Variants in PDIA6 observed in about 807,000 individuals in gnomAD.
The protein encoded by PDIA6 is protein disulfide isomerase family A member 6.
PDIA6 carries 29 observed loss-of-function variants against 58.4 expected under a neutral mutation model. That is an observed-to-expected ratio of 0.50 (90% confidence interval 0.37 to 0.68). The LOEUF (loss-of-function observed/expected upper bound fraction) is 0.68, where lower values mean the gene tolerates loss of function less well. Among genes scored for constraint, PDIA6 ranks in the 30% least tolerant of loss-of-function variants. The probability of loss-of-function intolerance (pLI) is 0.00; values close to 1 mark genes in which losing one functional copy is unlikely to be tolerated. For missense variants in PDIA6, 480 were observed against 551.0 expected (o/e 0.87, Z 1.29); for synonymous variants, 192 against 202.6 (o/e 0.95, Z 0.44).
upstream of PDIA6, among the ~76,000 whole-genome samples, chr2:10,816,681 G>A (rs1051399568): frequency 6.6e-6 from 1 of 152,044 alleles, no homozygotes; most frequent in African/African-American, 2.4e-5. Context: ...ATGTGACTGG[G>A]ATTTTTTTCT....
chr2:10,805,226 A>C (rs894467631), intron 1 of PDIA6, among the ~76,000 whole-genome samples: 1 of 143,240 alleles, frequency 7.0e-6, no homozygotes, highest in South Asian at 2.4e-4. Flanking sequence ...AAAAACAAAC[A>C]ACCCCATCAA....
intron 1 of PDIA6, among the ~76,000 whole-genome samples, chr2:10,824,387 C>T (rs999687072): frequency 2.6e-5 from 4 of 152,252 alleles, no homozygotes; most frequent in African/African-American, 9.6e-5. Flanking sequence ...TGTGTAGCAA[C>T]CCTGGGTGGA....
chr2:10,784,784 G>A (rs974538981), intron 12 of PDIA6, 150 bp downstream of exon 12: 6 of 600,294 alleles, frequency 1.0e-5, no homozygotes, highest in Non-Finnish European at 1.8e-5. Context: ...GGAAGATGAA[G>A]GGTCTTCAGA....
intron 2 of PDIA6, 62 bp downstream of exon 2, chr2:10,802,437 C>T: frequency 9.5e-7 from 1 of 1,055,484 alleles, no homozygotes; most frequent in Non-Finnish European, 1.3e-6. Context: ...GATTTTTATA[C>T]AGCGTTTTCT....
In PDIA6 at chr2:10,812,684, C is replaced by A; in HGVS notation, c.13G>T (p.Val5Leu). The change falls in exon 1 of 13, where the codon GTG (valine) becomes TTG (leucine). Residue 5 changes from valine to leucine, a missense_variant. By Grantham distance (32) the Val-to-Leu change is conservative (BLOSUM62 1). Transcript: ENST00000272227. MALL[V>L]LGLVSCTFFL... ...TCCGCTGGCCCGCACCTACCGAGCACCAGGAGAGCCATGCCGAGCGCCGGG... is the reference window on the plus strand; with the variant it reads ...TCCGCTGGCCCGCACCTACCGAGCAACAGGAGAGCCATGCCGAGCGCCGGG... 1 of 1,534,474 alleles carries A rather than the reference C, an allele frequency of 6.5e-7. No individual in the cohort carries two copies. Among genetic ancestry groups the A allele is most frequent in the Middle Eastern group, 1.7e-4 (1 of 5,780 alleles).
intron 1 of PDIA6, among the ~76,000 whole-genome samples, chr2:10,824,815 T>A (rs930667918): frequency 5.9e-5 from 9 of 152,220 alleles, no homozygotes; most frequent in Admixed American, 3.9e-4. Context: ...CAAGTTTGAT[T>A]TGGGTTTCTA....
rs151042076 is a variant in PDIA6, at chr2:10,785,158, C to T, written c.1158-128G>A. ...CAGAGGCATTTCTTCTCTCTTGCTG[C>T]ACTACATTCCTCAGAAACACCTTGA... On this transcript the variant is annotated intron_variant, in intron 11 of 12. Coordinates refer to ENST00000272227, the MANE Select transcript of PDIA6 (RefSeq NM_005742.4). 2.8e-4 allele frequency: 186 copies of T among 654,676 alleles called. 1 individual carries two copies. The African/African-American group carries it at 3.0e-3, about 10-fold the overall frequency. 40.6% of individuals were successfully genotyped at this position (654,676 alleles called of 1,614,324 possible).
chr2:10,833,249 C>G (rs528867968), upstream of PDIA6, among the ~76,000 whole-genome samples: 6 of 152,320 alleles, frequency 3.9e-5, no homozygotes, highest in East Asian at 1.2e-3. Context: ...GGCTCCTGCC[C>G]TCGGGCAGGC....
chr2:10,797,582 T>A (rs1247995434), intron 3 of PDIA6, 118 bp downstream of exon 3: 1 of 716,944 alleles, frequency 1.4e-6, no homozygotes, highest in South Asian at 1.7e-5. Context: ...TAGCTTCCCA[T>A]TGAACATTAA....
chr2:10,799,019 G>T (rs913569652), intron 2 of PDIA6, among the ~76,000 whole-genome samples: 1 of 147,368 alleles, frequency 6.8e-6, no homozygotes, highest in Non-Finnish European at 1.5e-5. Context: ...GAGGTGGGGG[G>T]AGGCAGGGAA....
chr2:10,834,942 A>AT (rs1667798266), upstream of PDIA6, among the ~76,000 whole-genome samples: 1 of 151,720 alleles, frequency 6.6e-6, no homozygotes, highest in African/African-American at 2.4e-5. Context: ...AATTTTTTGT[A>AT]TTTTTAGTAG....
Position 10,794,400 on chromosome 2 carries a change from C to T in PDIA6, c.347-1198G>A, listed in dbSNP as rs143140351. On this transcript the variant is annotated intron_variant, in intron 4 of 12. Coordinates refer to ENST00000272227, the MANE Select transcript of PDIA6 (RefSeq NM_005742.4). ...GACGGAGGCTGCAGTGAGCTGACAT[C>T]GCGCCACTGCACTCCAGCCTGGGTG... Among the ~76,000 whole-genome samples the T allele has an allele frequency of 1.4e-3, 209 of 147,418 alleles. 2 individuals carry two copies. Among genetic ancestry groups the T allele is most frequent in the African/African-American group, 4.9e-3 (196 of 39,630 alleles).
rs185773161 is a variant in PDIA6 at position 10,792,956 on chromosome 2, C to G, written c.453+140G>C. ...CTGGAGGGCTGGTTCCCTCTGGGAT[C>G]GGTGGATCCAATCCTCTATTATTCT... On this transcript the variant is annotated intron_variant, in intron 5 of 12. Transcript: ENST00000272227. The G allele has an allele frequency of 2.2e-5, 14 of 647,340 alleles. No individual in the cohort carries two copies. The East Asian group carries it at 4.0e-4, about 18-fold the overall frequency. 40.1% of individuals were successfully genotyped at this position (647,340 alleles called of 1,614,324 possible). A position where few individuals can be genotyped will look rare whatever the true frequency, so the allele number is the denominator to read the frequency against.
At chr2:10,796,930 C>T (rs1023418939) in intron 4 of PDIA6, 151 bp downstream of exon 4, 9 of 672,522 alleles carry the variant, frequency 1.3e-5, no homozygotes, top group Middle Eastern at 2.7e-4. Flanking sequence ...CAGAATGACT[C>T]GGAGGGTATA....
intron 1 of PDIA6, among the ~76,000 whole-genome samples, chr2:10,803,460 G>A (rs1057217486): frequency 1.3e-5 from 2 of 152,076 alleles, no homozygotes; most frequent in Non-Finnish European, 2.9e-5. Flanking sequence ...CCCAGCCAAT[G>A]TTTATTTTTA....
At chr2:10,829,680 A>G (rs1368779174) in intron 1 of PDIA6, among the ~76,000 whole-genome samples, 1 of 152,196 alleles carries the variant, frequency 6.6e-6, no homozygotes, top group Non-Finnish European at 1.5e-5. Context: ...GGCCTGGGCT[A>G]TTGCAACAGC....
chr2:10,817,056 C>A (rs1667218186), upstream of PDIA6, among the ~76,000 whole-genome samples: 1 of 152,188 alleles, frequency 6.6e-6, no homozygotes. Flanking sequence ...AATCCTTCAC[C>A]TTTGCCGTTC....
intron 1 of PDIA6, among the ~76,000 whole-genome samples, chr2:10,803,510 T>C (rs1022616856): frequency 6.6e-6 from 1 of 152,042 alleles, no homozygotes; most frequent in Non-Finnish European, 1.5e-5. Flanking sequence ...CATAACACAT[T>C]ATCAGAAACA....
chr2:10,808,134 G>A (rs1666836224), intron 1 of PDIA6, among the ~76,000 whole-genome samples: 1 of 152,194 alleles, frequency 6.6e-6, no homozygotes, highest in Non-Finnish European at 1.5e-5. Flanking sequence ...GCCACTAAAG[G>A]GTTATCATTC....
Sources: allele counts gnomAD v4.1 joint callset (sites outside exome capture counted in the v4.1 genomes callset), GRCh38; gene constraint gnomAD v4.1.1; transcripts MANE v1.5; gene names NCBI Gene and HGNC (gene_info 2026-07-23, HGNC 2026-07-21).